Variants in MICALL2 observed in about 807,000 individuals in gnomAD.
The protein encoded by MICALL2 is MICAL-like protein 2.
Under a neutral mutation model 91.1 loss-of-function variants are expected in MICALL2, and 111 were observed. That is an observed-to-expected ratio of 1.22 (90% CI 1.04 to 1.43). The LOEUF is 1.43. Among genes scored for constraint, MICALL2 ranks in the 40% most tolerant of loss-of-function variants. MICALL2 has a pLI of 0.00. For synonymous variants in MICALL2, 694 were observed against 525.3 expected, an observed-to-expected ratio of 1.32 and a Z score of -4.39; for missense variants, 1,556 against 1,236.0, an observed-to-expected ratio of 1.26 and a Z score of -3.88.
chr7:1,437,428 T>C (rs1780026733), intron 14 of MICALL2, 107 bp downstream of exon 14: 1 of 1,015,922 alleles, frequency 9.8e-7, no homozygotes, highest in Non-Finnish European at 1.4e-6. Flanking sequence ...CCAGGGAAGG[T>C]CTCACCACCA....
chr7:1,458,319 C>G (rs1264100727), intron 1 of MICALL2, among the ~76,000 whole-genome samples: 9 of 152,336 alleles, frequency 5.9e-5, no homozygotes, highest in East Asian at 1.9e-4. Flanking sequence ...CTCCCAACCC[C>G]GAGACCTTCC....
chr7:1,444,645 C>T lies in MICALL2; in HGVS notation c.1418+7G>A, dbSNP rs200010856. 2.0e-4 allele frequency: 329 copies of T among 1,606,798 alleles called. 2 individuals carry two copies. In the African/African-American group the frequency reaches 3.6e-3, roughly 18 times the overall value. On this transcript the variant is annotated splice_region_variant and intron_variant, in intron 6 of 16. Transcript: ENST00000297508. ...TACCCGGGGTCCCTCGGTCCCCACG[C>T]GCTCACCTGCCAGGCGCCGGAGCGC...
rs748183569 is a variant in MICALL2, at chr7:1,438,337, C to T, written c.2139G>A (p.Pro713=). The change falls in exon 11 of 17, where the codon CCG becomes CCA. Residue 713 remains proline, a synonymous_variant. Coordinates refer to ENST00000297508, the MANE Select transcript of MICALL2 (RefSeq NM_182924.4). ...LQGKPGRPLS[P]ANVPALPGET... Reference sequence around the variant, plus strand: ...CGCCAGGCAGAGCAGGGACATTGGCCGGGGACAAGGGTCTCCCTGGAGAAG... The same window carrying T: ...CGCCAGGCAGAGCAGGGACATTGGCTGGGGACAAGGGTCTCCCTGGAGAAG... 39 of 1,603,992 alleles carry T rather than the reference C, an allele frequency of 2.4e-5. No individual in the cohort carries two copies. Among genetic ancestry groups the T allele is most frequent in the Admixed American group, 1.0e-4 (6 of 59,012 alleles).
At chr7:1,449,593 C>A (rs10226521) in intron 2 of MICALL2, among the ~76,000 whole-genome samples, 1 of 152,196 alleles carries the variant, frequency 6.6e-6, no homozygotes, top group Non-Finnish European at 1.5e-5. Flanking sequence ...CAGTGCCGGC[C>A]GGGCAGGTAT....
chr7:1,446,652 T>C, intron 5 of MICALL2, 61 bp downstream of exon 5: 2 of 1,239,158 alleles, frequency 1.6e-6, no homozygotes, highest in Non-Finnish European at 2.3e-6. Flanking sequence ...CGATGGGAGC[T>C]GTGGGAGGGT....
chr7:1,437,406 G>T, intron 14 of MICALL2, 129 bp downstream of exon 14: 1 of 720,150 alleles, frequency 1.4e-6, no homozygotes, highest in South Asian at 2.1e-5. Context: ...TCAAACGTGG[G>T]CTCGCCTGGC....
chr7:1,451,245 T>C lies in MICALL2; in HGVS notation c.144-957A>G, dbSNP rs1780815681. Among the ~76,000 whole-genome samples, 1 of 152,026 alleles carries C rather than the reference T, an allele frequency of 6.6e-6. No homozygotes were observed. The highest frequency in any genetic ancestry group is 1.5e-5 in the Non-Finnish European group (1 of 67,998). On this transcript the variant is annotated intron_variant, in intron 1 of 16. Transcript: ENST00000297508. This position sits in a 1 kb window ranked among gnomAD's most constrained non-coding sequence, Gnocchi z 4.5. Reference sequence around the variant, plus strand: ...GTCCTGGGACTCCTGATGGGCACCTTGGGAGGATACCCTGGGCAGAAAACA... The same window carrying C: ...GTCCTGGGACTCCTGATGGGCACCTCGGGAGGATACCCTGGGCAGAAAACA...
At chr7:1,439,624 C>T in intron 9 of MICALL2, 1 of 330,878 alleles carries the variant, frequency 3.0e-6, no homozygotes, top group Non-Finnish European at 5.5e-6. Flanking sequence ...CATACATGAA[C>T]AGACACATGG....
intron 15 of MICALL2, among the ~76,000 whole-genome samples, chr7:1,436,529 G>A (rs1779971502): frequency 7.1e-6 from 1 of 140,964 alleles, no homozygotes; most frequent in South Asian, 2.2e-4. Flanking sequence ...CTCCAGCCTG[G>A]TGACAGAGCA....
At chr7:1,435,850 G>C (rs1779941143) in intron 15 of MICALL2, among the ~76,000 whole-genome samples, 1 of 151,866 alleles carries the variant, frequency 6.6e-6, no homozygotes, top group South Asian at 2.1e-4. Flanking sequence ...GTCAGATCGA[G>C]ACCATCCTGG....
intron 13 of MICALL2, 43 bp from the exon 14 acceptor site, chr7:1,437,651 G>A: frequency 1.3e-6 from 2 of 1,523,896 alleles, no homozygotes; most frequent in Non-Finnish European, 8.8e-7. Context: ...CTGCCGCCCT[G>A]TCCCCCGCCT....
Position 1,444,675 on chromosome 7 carries a change from C to T in MICALL2, c.1395G>A (p.Glu465=), listed in dbSNP as rs2128522305. 1 of 1,611,646 alleles carries T rather than the reference C, an allele frequency of 6.2e-7. No individual in the cohort carries two copies. Among genetic ancestry groups the T allele is most frequent in the Middle Eastern group, 1.7e-4 (1 of 6,006 alleles). The change falls in exon 6 of 17, where the codon GAG becomes GAA. Residue 465 remains glutamate, a synonymous_variant. Coordinates refer to ENST00000297508, the MANE Select transcript of MICALL2 (RefSeq NM_182924.4). ...FLKQALSALE[E]AGAPAPGRPS... is the part of the protein sequence containing the mutation. ...ACCTGCCAGGCGCCGGAGCGCCAGCCTCTTCCAGCGCTGAGAGGGCCTGCT... is the reference window on the plus strand; with the variant it reads ...ACCTGCCAGGCGCCGGAGCGCCAGCTTCTTCCAGCGCTGAGAGGGCCTGCT...
intron 5 of MICALL2, 23 bp from the exon 6 acceptor site, chr7:1,445,451 G>A (rs1022873263): frequency 4.0e-6 from 6 of 1,485,154 alleles, no homozygotes; most frequent in Middle Eastern, 4.6e-4. Flanking sequence ...AGGCACAGGA[G>A]CCCCAGCTCG....
chr7:1,438,765 C>CA (rs760606140), intron 10 of MICALL2, 75 bp downstream of exon 10: 3 of 1,527,462 alleles, frequency 2.0e-6, no homozygotes, highest in Non-Finnish European at 2.6e-6. Flanking sequence ...TCCAAAGCCC[C>CA]AGCAGGCATT....
intron 1 of MICALL2, among the ~76,000 whole-genome samples, chr7:1,458,389 G>A (rs905791180): frequency 2.0e-5 from 3 of 152,196 alleles, no homozygotes; most frequent in Admixed American, 1.3e-4. Context: ...GCAGGTGGCC[G>A]TTGAGGGCCC....
chr7:1,437,168 G>A (rs867227665), intron 14 of MICALL2: 1 of 483,804 alleles, frequency 2.1e-6, no homozygotes, highest in Non-Finnish European at 3.6e-6. Flanking sequence ...GACGGCCTGG[G>A]CCTGTGCCCT....
chr7:1,437,808 T>C, intron 13 of MICALL2, 82 bp downstream of exon 13: 2 of 1,368,470 alleles, frequency 1.5e-6, no homozygotes, highest in East Asian at 2.5e-5. Context: ...GGCCTGACTC[T>C]GCGCTCCTGT....
At chr7:1,439,441 GACACACATGCATCGCACATGA>G (rs1160204032) in intron 9 of MICALL2, 2 of 178,204 alleles carry the variant, frequency 1.1e-5, no homozygotes, top group Non-Finnish European at 2.1e-5. Context: ...TGTACACATG[GACACACATGCATCGCACATGA>G]ACACAGATGT....
intron 14 of MICALL2, 109 bp downstream of exon 14, chr7:1,437,426 G>T: frequency 2.1e-6 from 2 of 956,320 alleles, no homozygotes; most frequent in Non-Finnish European, 2.9e-6. Context: ...CTCCAGGGAA[G>T]GTCTCACCAC....
Sources: gnomAD v4.1 joint callset for allele counts (sites outside exome capture counted in the v4.1 genomes callset) on GRCh38, gnomAD v4.1.1 for gene constraint, Gnocchi (gnomAD v3.1) non-coding constraint, MANE v1.5 for transcripts, NCBI Gene and HGNC (gene_info 2026-07-23, HGNC 2026-07-21) for gene names.